PRKG2: variants seen among roughly 807,000 people sequenced by gnomAD.
PRKG2 encodes the protein protein kinase cGMP-dependent 2.
Under a neutral mutation model 97.2 loss-of-function variants are expected in PRKG2, and 33 were observed. The ratio of observed to expected loss-of-function variants is 0.34; its 90% CI spans 0.26 to 0.45. PRKG2 has a LOEUF of 0.45. Among genes scored for constraint, PRKG2 ranks in the 20% least tolerant of loss-of-function variants. The pLI is 1.00. For synonymous variants in PRKG2, 330 were observed against 321.8 expected (o/e 1.03, Z -0.27); for missense variants, 638 against 900.0 (o/e 0.71, Z 3.73).
chr4:81,134,204 G>A (rs1746443934), intron 14 of PRKG2, among the ~76,000 whole-genome samples: 1 of 151,980 alleles, frequency 6.6e-6, no homozygotes, highest in Non-Finnish European at 1.5e-5. Flanking sequence ...TAATTCATGT[G>A]GCTGAATTAT....
intron 17 of PRKG2, among the ~76,000 whole-genome samples, chr4:81,100,368 G>A (rs138450563): frequency 0.23 from 34,376 of 151,904 alleles, 6,916 homozygotes; most frequent in African/African-American, 0.52. Flanking sequence ...AAACAGAGAT[G>A]CAGACCAATG....
intron 17 of PRKG2, among the ~76,000 whole-genome samples, chr4:81,096,252 T>C (rs961431429): frequency 2.0e-5 from 3 of 152,146 alleles, no homozygotes; most frequent in African/African-American, 4.8e-5. Context: ...CTTTTAAAAC[T>C]GAGGTTAGGC....
intron 6 of PRKG2, among the ~76,000 whole-genome samples, chr4:81,158,490 A>C (rs1257536312): frequency 2.0e-5 from 3 of 147,546 alleles, no homozygotes; most frequent in Admixed American, 1.3e-4. Flanking sequence ...CATGGGTAGG[A>C]AGAATCAATA....
At chr4:81,137,595 T>C in intron 12 of PRKG2, 113 bp from the exon 13 acceptor site, 1 of 789,296 alleles carries the variant, frequency 1.3e-6, no homozygotes, top group Non-Finnish European at 2.1e-6. Flanking sequence ...CATCTCCATA[T>C]AAATACCCCA....
At chr4:81,129,539 C>A (rs1745947986) in intron 14 of PRKG2, among the ~76,000 whole-genome samples, 1 of 152,052 alleles carries the variant, frequency 6.6e-6, no homozygotes, top group Non-Finnish European at 1.5e-5. Flanking sequence ...CATACATATT[C>A]AGGATAGTTA....
At chr4:81,134,661 A>C (rs1395276304) in intron 14 of PRKG2, among the ~76,000 whole-genome samples, 1 of 152,130 alleles carries the variant, frequency 6.6e-6, no homozygotes, top group Non-Finnish European at 1.5e-5. Flanking sequence ...TGTCCTCAAG[A>C]AACCTGTACT....
intron 1 of PRKG2, among the ~76,000 whole-genome samples, chr4:81,209,176 A>G (rs1283185660): frequency 6.6e-6 from 1 of 152,188 alleles, no homozygotes; most frequent in Non-Finnish European, 1.5e-5. Flanking sequence ...ATTAGAAGAG[A>G]CATAAGAAAA....
At chr4:81,129,259 G>A (rs1474076835) in intron 14 of PRKG2, among the ~76,000 whole-genome samples, 2 of 152,144 alleles carry the variant, frequency 1.3e-5, no homozygotes, top group Non-Finnish European at 2.9e-5. Context: ...TAAGTGTGAT[G>A]TGGTGCTGAG....
chr4:81,201,299 T>C (rs1753296471), intron 2 of PRKG2, among the ~76,000 whole-genome samples: 1 of 152,234 alleles, frequency 6.6e-6, no homozygotes, highest in Non-Finnish European at 1.5e-5. Flanking sequence ...AAGTGCTCAA[T>C]AGCCATATTT....
intron 2 of PRKG2, among the ~76,000 whole-genome samples, chr4:81,202,910 T>C (rs926425647): frequency 3.3e-5 from 5 of 152,088 alleles, no homozygotes; most frequent in Non-Finnish European, 5.9e-5. Flanking sequence ...TCTGGTGTCA[T>C]ATATAGGGAG....
At chr4:81,114,149 C>A (rs1184853765) in intron 14 of PRKG2, among the ~76,000 whole-genome samples, 1 of 152,022 alleles carries the variant, frequency 6.6e-6, no homozygotes, top group African/African-American at 2.4e-5. Context: ...ATTTACAGAA[C>A]CAATTCCCTT....
rs183400575 is a variant in PRKG2, at chr4:81,181,135, G to A, written c.462-6176C>T. 3.4e-3 allele frequency among the ~76,000 whole-genome samples: 518 copies of A among 151,744 alleles called. 2 individuals are homozygous for A. Among genetic ancestry groups the A allele is most frequent in the Non-Finnish European group, 5.3e-3 (363 of 67,920 alleles). Reference sequence around the variant, plus strand: ...AACAATCATAAAAACTGACCACATGGCAAACCACAAATCATTTCAACACAT... The same window carrying A: ...AACAATCATAAAAACTGACCACATGACAAACCACAAATCATTTCAACACAT... On this transcript the variant is annotated intron_variant, in intron 2 of 18. Transcript: ENST00000264399.
intron 14 of PRKG2, among the ~76,000 whole-genome samples, chr4:81,112,722 C>T (rs960917594): frequency 6.6e-6 from 1 of 152,186 alleles, no homozygotes; most frequent in Admixed American, 6.5e-5. Context: ...TCCATTTCGT[C>T]AGCGGAAACT....
intron 10 of PRKG2, among the ~76,000 whole-genome samples, 156 bp from the exon 11 acceptor site, chr4:81,143,103 G>A (rs1460689700): frequency 6.6e-6 from 1 of 152,134 alleles, no homozygotes; most frequent in Non-Finnish European, 1.5e-5. Context: ...ATCAGATTCA[G>A]TCCCACGCAG....
chr4:81,144,607 T>A (rs914887696), intron 9 of PRKG2, among the ~76,000 whole-genome samples: 1 of 120,080 alleles, frequency 8.3e-6, no homozygotes, highest in Admixed American at 7.8e-5. Flanking sequence ...TATATATATA[T>A]ATATTTTTTT....
At chr4:81,201,172 T>A (rs1753288170) in intron 2 of PRKG2, among the ~76,000 whole-genome samples, 1 of 152,194 alleles carries the variant, frequency 6.6e-6, no homozygotes, top group Non-Finnish European at 1.5e-5. Flanking sequence ...GAGTAGGCAA[T>A]AGACATGTGA....
At chr4:81,123,473 C>T (rs576025010) in intron 14 of PRKG2, among the ~76,000 whole-genome samples, 4 of 152,184 alleles carry the variant, frequency 2.6e-5, no homozygotes, top group African/African-American at 2.4e-5. Context: ...GGCACGATCT[C>T]GGCTCACTGT....
chr4:81,154,828 G>T (rs1296392578), intron 6 of PRKG2, among the ~76,000 whole-genome samples: 1 of 152,120 alleles, frequency 6.6e-6, no homozygotes, highest in African/African-American at 2.4e-5. Context: ...TCTGAGCTAC[G>T]GGAGGACATT....
rs957817522 is a variant in PRKG2 at position 81,137,213 on chromosome 4, T to A, written c.1634+180A>T. On this transcript the variant is annotated intron_variant, in intron 13 of 18. Transcript: ENST00000264399. ...TTCCTAAAACAGAGATGACAACAAC[T>A]ACCTTACGTGGTGTTACGGCACTAT... 5.3e-5 allele frequency among the ~76,000 whole-genome samples: 8 copies of A among 152,216 alleles called. No homozygotes were observed. In the East Asian group the frequency reaches 1.4e-3, roughly 26 times the overall value.
Sources: allele counts gnomAD v4.1 joint callset (sites outside exome capture counted in the v4.1 genomes callset), GRCh38; gene constraint gnomAD v4.1.1; transcripts MANE v1.5; gene names NCBI Gene and HGNC (gene_info 2026-07-23, HGNC 2026-07-21).